RNF180: variants seen among roughly 807,000 people sequenced by gnomAD.
The protein encoded by RNF180 is ring finger protein 180.
RNF180 carries 38 observed loss-of-function variants against 59.2 expected under a neutral mutation model. The ratio of observed to expected loss-of-function variants is 0.64; its 90% CI spans 0.50 to 0.84. RNF180 has a LOEUF of 0.84. Ranked by LOEUF, RNF180 falls within the 40% of genes least tolerant of loss-of-function variation. The probability of loss-of-function intolerance (pLI) is 0.00; values close to 1 mark genes in which losing one functional copy is unlikely to be tolerated. For missense variants in RNF180, 705 were observed against 700.9 expected (o/e 1.01, Z -0.07); for synonymous variants, 262 against 240.3 (o/e 1.09, Z -0.84).
At chr5:64,346,291 G>C (rs557723640) in intron 7 of RNF180, among the ~76,000 whole-genome samples, 1 of 143,414 alleles carries the variant, frequency 7.0e-6, no homozygotes, top group South Asian at 2.2e-4. Context: ...GCTAAGGTTT[G>C]GTTTGTTTTT....
intron 5 of RNF180, among the ~76,000 whole-genome samples, chr5:64,242,383 G>A (rs1282677935): frequency 6.6e-6 from 1 of 152,198 alleles, no homozygotes; most frequent in African/African-American, 2.4e-5. Flanking sequence ...AACATAAGGT[G>A]TCAGTGACCC....
chr5:64,213,834 C>T lies in RNF180; in HGVS notation c.508C>T (p.Arg170Ter), dbSNP rs369405182. 1.5e-5 allele frequency: 24 copies of T among 1,613,916 alleles called. No individual in the cohort carries two copies. Among genetic ancestry groups the T allele is most frequent in the African/African-American group, 5.3e-5 (4 of 74,902 alleles). The change falls in exon 4 of 8, where the codon CGA (arginine) becomes TGA (stop). Residue 170 changes from arginine to a stop codon, truncating the protein, a stop_gained. Transcript: ENST00000389100. LOFTEE classifies it high-confidence loss of function. ...NRNHRLLNMA[R>*]NNNDPGRLTE... The stretch of plus-strand genomic sequence containing the variant: ...AAATCACAGGCTTTTAAACATGGCC[C>T]GAAATAATAATGACCCTGGAAGATT...
At chr5:64,268,151 A>C (rs2112342170) in intron 5 of RNF180, among the ~76,000 whole-genome samples, 1 of 152,252 alleles carries the variant, frequency 6.6e-6, no homozygotes, top group Non-Finnish European at 1.5e-5. Flanking sequence ...TAGGTTCACA[A>C]GGTGGTGATG....
At chr5:64,346,044 A>G (rs1011128924) in intron 7 of RNF180, among the ~76,000 whole-genome samples, 3 of 152,110 alleles carry the variant, frequency 2.0e-5, no homozygotes, top group South Asian at 4.1e-4. Flanking sequence ...AATCAATCAA[A>G]TGAGCATTTA....
intron 5 of RNF180, among the ~76,000 whole-genome samples, chr5:64,254,360 T>C (rs188177808): frequency 3.1e-3 from 469 of 152,286 alleles, no homozygotes; most frequent in African/African-American, 0.011. Flanking sequence ...GGCAGAACCA[T>C]ATTGGTGCCT....
chr5:64,189,122 T>A (rs1347746533), intron 1 of RNF180, among the ~76,000 whole-genome samples: 1 of 152,006 alleles, frequency 6.6e-6, no homozygotes, highest in Non-Finnish European at 1.5e-5. Context: ...GCCAATACCT[T>A]GATCTTAGAC....
intron 7 of RNF180, among the ~76,000 whole-genome samples, chr5:64,346,186 A>G (rs889336870): frequency 6.6e-6 from 1 of 151,844 alleles, no homozygotes; most frequent in Non-Finnish European, 1.5e-5. Context: ...ATTATTATGA[A>G]ACAGAACTTT....
chr5:64,192,939 A>AT lies in RNF180; in HGVS notation c.1-7869_1-7868insT, dbSNP rs1554028955. 2.9e-3 allele frequency among the ~76,000 whole-genome samples: 386 copies of AT among 135,150 alleles called. 7 individuals carry two copies. The highest frequency in any genetic ancestry group is 0.01 in the African/African-American group (344 of 33,182). 88.7% of individuals were successfully genotyped at this position (135,150 alleles called of 152,430 possible). ...TATATATATATATATATATATATAT[A>AT]AAATGAAACATTCAGCATCGAAAAA... On this transcript the variant is annotated intron_variant, in intron 1 of 7. Coordinates refer to ENST00000389100, the MANE Select transcript of RNF180 (RefSeq NM_001113561.2).
intron 1 of RNF180, among the ~76,000 whole-genome samples, chr5:64,167,985 A>G (rs1437974025): frequency 3.3e-5 from 5 of 152,082 alleles, no homozygotes; most frequent in African/African-American, 9.7e-5. Context: ...GTCTTGAAAC[A>G]TTTTCCCTCC....
In RNF180 at chr5:64,286,017, C is replaced by G. The variant is rs140339055; in HGVS notation, c.1228-39169C>G. 8.7e-4 allele frequency among the ~76,000 whole-genome samples: 133 copies of G among 152,200 alleles called. 1 individual carries two copies. The highest frequency in any genetic ancestry group is 3.1e-3 in the African/African-American group (127 of 41,512). On this transcript the variant is annotated intron_variant, in intron 5 of 7. Transcript: ENST00000389100. ...GGCCACTCCCACCTGCTCAACCCCC[C>G]CTTCCCCAGGAACTGCTTGAAATCA...
At chr5:64,259,214 G>A (rs1274440847) in intron 5 of RNF180, among the ~76,000 whole-genome samples, 2 of 152,130 alleles carry the variant, frequency 1.3e-5, no homozygotes, top group Non-Finnish European at 1.5e-5. Flanking sequence ...GGAGGAAAAG[G>A]TTTCATGCAA....
chr5:64,369,701 A>T lies in RNF180; in HGVS notation c.1666A>T (p.Ser556Cys). Reference sequence around the variant, plus strand: ...GGATTACCTGCACTTTGAGGATGATAGCCGTGGATGGTGGTTTGACATGGA... The same window carrying T: ...GGATTACCTGCACTTTGAGGATGATTGCCGTGGATGGTGGTTTGACATGGA... ...RMDYLHFEDD[S>C]RGWWFDMDMV... The change falls in exon 8 of 8, where the codon AGC becomes TGC. Residue 556 changes from serine to cysteine, a missense_variant. Coordinates refer to ENST00000389100, the MANE Select transcript of RNF180 (RefSeq NM_001113561.2). The T allele has an allele frequency of 1.9e-6, 3 of 1,548,406 alleles. No homozygotes were observed. The highest frequency in any genetic ancestry group is 2.6e-6 in the Non-Finnish European group (3 of 1,145,230).
At chr5:64,321,359 A>G (rs12515908) in intron 5 of RNF180, among the ~76,000 whole-genome samples, 15,431 of 152,222 alleles carry the variant, frequency 0.1, 881 homozygotes, top group South Asian at 0.17. Context: ...AAAAATCACA[A>G]GCATTCCTAT....
At chr5:64,358,212 A>G (rs552620803) in intron 7 of RNF180, among the ~76,000 whole-genome samples, 3 of 151,864 alleles carry the variant, frequency 2.0e-5, no homozygotes, top group Middle Eastern at 3.4e-3. Context: ...CCTGTCTGGT[A>G]TATTGCTGGT....
chr5:64,281,133 CT>C (rs1475400606), intron 5 of RNF180, among the ~76,000 whole-genome samples: 1 of 152,166 alleles, frequency 6.6e-6, no homozygotes, highest in Non-Finnish European at 1.5e-5. Context: ...AGAAATGCTG[CT>C]GATTTTTGTA....
chr5:64,207,556 A>G (rs1480126431), intron 2 of RNF180, among the ~76,000 whole-genome samples: 1 of 152,154 alleles, frequency 6.6e-6, no homozygotes, highest in Non-Finnish European at 1.5e-5. Context: ...TCTTTATCGT[A>G]GGAGCTGGCA....
rs1324612110 is a variant in RNF180, at chr5:64,188,131, GTTA to G, written c.1-12672_1-12670del. Among the ~76,000 whole-genome samples the G allele has an allele frequency of 3.3e-5, 5 of 152,254 alleles. No homozygotes were observed. The East Asian group carries it at 9.6e-4, about 29-fold the overall frequency. On this transcript the variant is annotated intron_variant, in intron 1 of 7. Coordinates refer to ENST00000389100, the MANE Select transcript of RNF180 (RefSeq NM_001113561.2). ...ATATCTGTGCAGCTCATCTGACAGAGTTATTATGTATGATGTTCTGCTCATGTT... is the reference window on the plus strand; with the variant it reads ...ATATCTGTGCAGCTCATCTGACAGAGTTATGTATGATGTTCTGCTCATGTT...
intron 1 of RNF180, among the ~76,000 whole-genome samples, chr5:64,195,538 A>T (rs904033005): frequency 1.3e-5 from 2 of 152,212 alleles, no homozygotes; most frequent in African/African-American, 4.8e-5. Context: ...AAGTTCTTGG[A>T]AACTGCAACT....
chr5:64,212,641 G>T (rs1213621989), intron 3 of RNF180, among the ~76,000 whole-genome samples: 2 of 152,010 alleles, frequency 1.3e-5, no homozygotes, highest in Non-Finnish European at 2.9e-5. Flanking sequence ...AAATGCACAA[G>T]CATACAAAAT....
Sources: gnomAD v4.1 joint callset for allele counts (sites outside exome capture counted in the v4.1 genomes callset) on GRCh38, gnomAD v4.1.1 for gene constraint, MANE v1.5 for transcripts, NCBI Gene and HGNC (gene_info 2026-07-23, HGNC 2026-07-21) for gene names.